The following NTMT2 variants were observed in gnomAD, a reference collection of about 807,000 sequenced individuals.
The protein encoded by NTMT2 is N-terminal Xaa-Pro-Lys N-methyltransferase 2.
NTMT2 carries 21 observed loss-of-function variants against 23.4 expected under a neutral mutation model. The observed-to-expected ratio is 0.90, with a 90% CI of 0.64 to 1.29. The LOEUF (loss-of-function observed/expected upper bound fraction) is 1.29. Ranked by LOEUF, NTMT2 falls within the 50% of genes most tolerant of loss-of-function variation. The probability of loss-of-function intolerance (pLI) is 0.00; values close to 1 mark genes in which losing one functional copy is unlikely to be tolerated. For synonymous variants in NTMT2, 131 were observed against 127.7 expected (o/e 1.03, Z -0.17); for missense variants, 336 against 352.0 (o/e 0.95, Z 0.36).
intron 1 of NTMT2, among the ~76,000 whole-genome samples, chr1:170,150,653 A>G (rs1449994220): frequency 2.0e-5 from 3 of 152,198 alleles, no homozygotes; most frequent in Non-Finnish European, 4.4e-5. Context: ...TTATGATTTA[A>G]CAGGAATAGG....
Position 170,145,986 on chromosome 1 carries a change from G to A in NTMT2, c.-122G>A, listed in dbSNP as rs939397996. ...ACCCATGACAGCCTGTCCTGATATAGATGGAGAGGGGACTGGTTTAAAATG... is the reference window on the plus strand; with the variant it reads ...ACCCATGACAGCCTGTCCTGATATAAATGGAGAGGGGACTGGTTTAAAATG... On this transcript the variant is annotated 5_prime_UTR_variant, in exon 1 of 4. Coordinates refer to ENST00000439373, the MANE Select transcript of NTMT2 (RefSeq NM_001136107.2). The A allele has an allele frequency of 1.5e-4, 135 of 930,430 alleles. 1 individual carries two copies. The highest frequency in any genetic ancestry group is 2.0e-4 in the Non-Finnish European group (125 of 633,212). The allele number at this position is 930,430 out of a possible 1,614,324, so 57.6% of individuals were successfully genotyped here.
At chr1:170,148,142 C>CTTT (rs371620511) in intron 1 of NTMT2, among the ~76,000 whole-genome samples, 2,628 of 74,458 alleles carry the variant, frequency 0.035, 85 homozygotes, top group East Asian at 0.039. Context: ...TGAGGCACTC[C>CTTT]TTTTTTTTTT....
intron 1 of NTMT2, among the ~76,000 whole-genome samples, chr1:170,148,029 C>T (rs1326063891): frequency 6.6e-6 from 1 of 151,958 alleles, no homozygotes; most frequent in Non-Finnish European, 1.5e-5. Context: ...AAATATTCCA[C>T]TGACGCCCAA....
At chr1:170,146,327 G>C in intron 1 of NTMT2, 66 bp downstream of exon 1, 2 of 1,419,980 alleles carry the variant, frequency 1.4e-6, no homozygotes, top group Non-Finnish European at 1.9e-6. Flanking sequence ...GAGGTCATGG[G>C]GCTTCTAGAA....
intron 1 of NTMT2, among the ~76,000 whole-genome samples, chr1:170,155,115 A>G (rs1471651243): frequency 6.6e-6 from 1 of 152,128 alleles, no homozygotes; most frequent in East Asian, 1.9e-4. Flanking sequence ...AGCAGATGCC[A>G]GCGCCATGCT....
chr1:170,167,894 TATA>T lies in NTMT2; in HGVS notation c.*141_*143del. The T allele has an allele frequency of 2.3e-6, 2 of 873,470 alleles. No homozygotes were observed. The highest frequency in any genetic ancestry group is 3.4e-6 in the Non-Finnish European group (2 of 585,014). The allele number at this position is 873,470 out of a possible 1,614,324, so 54.1% of individuals were successfully genotyped here. A position where few individuals can be genotyped will look rare whatever the true frequency, so the allele number is the denominator to read the frequency against. ...ACATATGTCTGCAAATTATTTGTGA[TATA>T]ATATGTACATGTTTTCAGTGATTAT... On this transcript the variant is annotated 3_prime_UTR_variant, in exon 4 of 4. Coordinates refer to ENST00000439373, the MANE Select transcript of NTMT2 (RefSeq NM_001136107.2).
intron 1 of NTMT2, chr1:170,157,944 G>C (rs1033415571): frequency 6.6e-6 from 1 of 151,974 alleles, no homozygotes; most frequent in Non-Finnish European, 1.5e-5. Context: ...GTTTTGTCTT[G>C]TAATATAAAC....
At chr1:170,158,687 G>C (rs1673210412) in intron 1 of NTMT2, among the ~76,000 whole-genome samples, 2 of 151,854 alleles carry the variant, frequency 1.3e-5, no homozygotes, top group Admixed American at 1.3e-4. Context: ...TAATTAGCTT[G>C]ATCTTGGGCC....
At chr1:170,150,225 A>T (rs1485476516) in intron 1 of NTMT2, among the ~76,000 whole-genome samples, 1 of 152,132 alleles carries the variant, frequency 6.6e-6, no homozygotes, top group Non-Finnish European at 1.5e-5. Flanking sequence ...ATATGTGGTG[A>T]CATTCAGTCA....
At chr1:170,159,049 C>A (rs1162643128) in intron 1 of NTMT2, among the ~76,000 whole-genome samples, 3 of 152,054 alleles carry the variant, frequency 2.0e-5, no homozygotes, top group Non-Finnish European at 2.9e-5. Flanking sequence ...GATCATTTAT[C>A]CACATTTAGG....
In NTMT2 at chr1:170,155,907, C is replaced by T. The variant is rs116753548; in HGVS notation, c.155-4611C>T. Among the ~76,000 whole-genome samples, 804 of 151,860 alleles carry T rather than the reference C, an allele frequency of 5.3e-3. 7 individuals are homozygous for T. The highest frequency in any genetic ancestry group is 0.018 in the African/African-American group (766 of 41,428). On this transcript the variant is annotated intron_variant, in intron 1 of 3. Coordinates refer to ENST00000439373, the MANE Select transcript of NTMT2 (RefSeq NM_001136107.2). The stretch of plus-strand genomic sequence containing the variant: ...TTTTGAGTGAGTATTCTGTTTTTCT[C>T]CAAATTTTTATATTGAAAGACAGCA...
chr1:170,146,147 T>G lies in NTMT2; in HGVS notation c.40T>G (p.Trp14Gly), dbSNP rs1167694261. ...RGAHFAFRSR[W>G]QKTDDELCRH... is the part of the protein sequence containing the mutation. ...AGCCCATTTTGCCTTTAGATCCCGC[T>G]GGCAGAAGACCGACGATGAACTCTG... The change falls in exon 1 of 4, where the codon TGG becomes GGG. Residue 14 changes from tryptophan to glycine, a missense_variant. Trp to Gly is a radical substitution (Grantham distance 184). Transcript: ENST00000439373. 6.4e-7 allele frequency: 1 copy of G among 1,551,592 alleles called. No homozygotes were observed. Among genetic ancestry groups the G allele is most frequent in the Non-Finnish European group, 8.7e-7 (1 of 1,146,964 alleles).
intron 1 of NTMT2, among the ~76,000 whole-genome samples, 179 bp from the exon 2 acceptor site, chr1:170,160,339 G>C (rs1673252975): frequency 6.6e-6 from 1 of 152,138 alleles, no homozygotes; most frequent in South Asian, 2.1e-4. Flanking sequence ...TGTTTTCCCA[G>C]CATTACATAG....
chr1:170,167,492 T>G lies in NTMT2; in HGVS notation c.587T>G (p.Leu196Arg). 1 of 1,548,390 alleles carries G rather than the reference T, an allele frequency of 6.5e-7. No homozygotes were observed. Among genetic ancestry groups the G allele is most frequent in the Non-Finnish European group, 8.7e-7 (1 of 1,145,190 alleles). ...CACTTGGTCTCCCTTGTAGGGCACC[T>G]GACTGATAAGGACCTTCTTGCATTT... ...VIWIQWVSGH[L>R]TDKDLLAFLS... Residue 196 changes from leucine (L) to arginine (R), a missense_variant, in exon 4 of 4, where the codon CTG becomes CGG. Transcript: ENST00000439373.
intron 1 of NTMT2, among the ~76,000 whole-genome samples, chr1:170,147,544 G>GA (rs990892024): frequency 8.7e-5 from 13 of 149,690 alleles, no homozygotes; most frequent in East Asian, 1.9e-4. Flanking sequence ...TATCCAAAAG[G>GA]AAAAAAAAAT....
intron 1 of NTMT2, among the ~76,000 whole-genome samples, chr1:170,153,898 T>TG (rs146033367): frequency 0.024 from 3,706 of 152,132 alleles, 136 homozygotes; most frequent in African/African-American, 0.084. Flanking sequence ...GCCAAGATGA[T>TG]GGGGAAAAGG....
intron 1 of NTMT2, among the ~76,000 whole-genome samples, chr1:170,153,196 T>C (rs369101396): frequency 4.7e-4 from 71 of 152,350 alleles, no homozygotes; most frequent in Middle Eastern, 3.4e-3. Context: ...AATCTCTTTG[T>C]TTTATAAATT....
At chr1:170,165,540 C>T (rs1673363391) in intron 2 of NTMT2, among the ~76,000 whole-genome samples, 1 of 152,184 alleles carries the variant, frequency 6.6e-6, no homozygotes, top group Non-Finnish European at 1.5e-5. Flanking sequence ...GAGAATGGAA[C>T]AGTTAGCATT....
chr1:170,166,977 C>A (rs558277373), intron 3 of NTMT2, among the ~76,000 whole-genome samples: 1 of 152,228 alleles, frequency 6.6e-6, no homozygotes, highest in Admixed American at 6.5e-5. Context: ...CGTTGGTTCT[C>A]GAACCAACTT....
Sources: gnomAD v4.1 joint callset for allele counts (sites outside exome capture counted in the v4.1 genomes callset) on GRCh38, gnomAD v4.1.1 for gene constraint, MANE v1.5 for transcripts, NCBI Gene and HGNC (gene_info 2026-07-23, HGNC 2026-07-21) for gene names.